The following ERN1 variants were observed in gnomAD, a reference collection of about 807,000 sequenced individuals.
The protein encoded by ERN1 is serine/threonine-protein kinase/endoribonuclease IRE1.
ERN1 carries 39 observed loss-of-function variants against 113.1 expected under a neutral mutation model. The ratio of observed to expected loss-of-function variants is 0.34; its 90% CI spans 0.27 to 0.45. The LOEUF (loss-of-function observed/expected upper bound fraction) is 0.45. ERN1 is among the 20% of genes least tolerant of loss of function. The pLI is 1.00. For missense variants in ERN1, 976 were observed against 1,274.8 expected, an observed-to-expected ratio of 0.77 and a Z score of 3.57; for synonymous variants, 507 against 515.9, an observed-to-expected ratio of 0.98 and a Z score of 0.23.
Position 64,057,841 on chromosome 17 carries a change from C to T in ERN1, c.1359G>A (p.Leu453=), listed in dbSNP as rs1264267089. The T allele has an allele frequency of 6.2e-7, 1 of 1,613,942 alleles. No individual in the cohort carries two copies. Among genetic ancestry groups the T allele is most frequent in the Non-Finnish European group, 8.5e-7 (1 of 1,179,888 alleles). ...DMATIILSTF[L]LIGWVAFIIT... is the part of the protein sequence containing the mutation. ...TGATGAAGGCCACCCAGCCAATCAGCAGGAAGGTGCTCAGGATGATGGTAG... is the reference window on the plus strand; with the variant it reads ...TGATGAAGGCCACCCAGCCAATCAGTAGGAAGGTGCTCAGGATGATGGTAG... Residue 453 remains leucine, a synonymous_variant, in exon 12 of 22, where the codon CTG becomes CTA. Coordinates refer to ENST00000433197, the MANE Select transcript of ERN1 (RefSeq NM_001433.5).
intron 2 of ERN1, 48 bp from the exon 3 acceptor site, chr17:64,080,856 C>T (rs754085627): frequency 2.5e-6 from 4 of 1,585,242 alleles, no homozygotes; most frequent in Non-Finnish European, 3.4e-6. Context: ...CCCAAAATGT[C>T]AAGATTCCCA....
intron 6 of ERN1, among the ~76,000 whole-genome samples, 178 bp downstream of exon 6, chr17:64,071,803 G>A (rs955023820): frequency 2.4e-4 from 37 of 152,110 alleles, no homozygotes; most frequent in Non-Finnish European, 5.9e-5. Flanking sequence ...GGTGCAGTTT[G>A]GACTGTATCC....
intron 10 of ERN1, 95 bp from the exon 11 acceptor site, chr17:64,060,682 G>T: frequency 2.5e-6 from 2 of 810,072 alleles, no homozygotes; most frequent in Non-Finnish European, 4.2e-6. Context: ...CCCACTGAGG[G>T]GTCCACAATG....
chr17:64,106,715 TACACAC>T (rs58544303), intron 1 of ERN1, among the ~76,000 whole-genome samples: 1,326 of 103,410 alleles, frequency 0.013, 18 homozygotes, highest in African/African-American at 0.026. Context: ...CAGGGTTTCT[TACACAC>T]ACACACACAC....
chr17:64,084,351 C>T (rs1194548728), intron 2 of ERN1, among the ~76,000 whole-genome samples: 1 of 152,134 alleles, frequency 6.6e-6, no homozygotes, highest in East Asian at 1.9e-4. Context: ...GTGTCCTGTT[C>T]CCATTCCCTT....
intron 2 of ERN1, among the ~76,000 whole-genome samples, chr17:64,087,108 AG>A (rs1885213492): frequency 6.6e-6 from 1 of 152,180 alleles, no homozygotes; most frequent in South Asian, 2.1e-4. Flanking sequence ...TTCTTCCCCC[AG>A]GAAGCTGGCT....
intron 3 of ERN1, chr17:64,080,527 G>A (rs1200973583): frequency 2.2e-6 from 1 of 455,954 alleles, no homozygotes; most frequent in Non-Finnish European, 4.0e-6. Flanking sequence ...GGAAGTTTAA[G>A]TTCAAAGCTC....
At position 64,078,656 on chromosome 17, in the gene ERN1, G is replaced by A. The variant is rs149348073; in HGVS notation, c.282+1006C>T. On this transcript the variant is annotated intron_variant, in intron 4 of 21. Transcript: ENST00000433197. ...TTATATGTGTTGTAGGGGGGTAGGA[G>A]TCAATACTTTTATTCCTATATGGAT... 4.3e-4 allele frequency among the ~76,000 whole-genome samples: 65 copies of A among 152,254 alleles called. 1 individual carries two copies. The highest frequency in any genetic ancestry group is 1.4e-3 in the African/African-American group (60 of 41,536).
rs570451549 is a variant in ERN1, at chr17:64,102,272, C to G, written c.55-4031G>C. Among the ~76,000 whole-genome samples, 376 of 152,262 alleles carry G rather than the reference C, an allele frequency of 2.5e-3. 2 individuals carry two copies. The highest frequency in any genetic ancestry group is 3.7e-3 in the Admixed American group (56 of 15,292). On this transcript the variant is annotated intron_variant, in intron 1 of 21. Transcript: ENST00000433197. ...TTGCACTCCAGCCTAGGCAACAGAG[C>G]AAGACTCTGTCTCAAAAACAAAAAC...
intron 2 of ERN1, among the ~76,000 whole-genome samples, chr17:64,081,379 A>G (rs1567873494): frequency 6.6e-6 from 1 of 152,206 alleles, no homozygotes; most frequent in Admixed American, 6.5e-5. Context: ...TTTAAAGACA[A>G]TATAAACTAT....
chr17:64,077,703 T>C (rs910354284), intron 4 of ERN1, among the ~76,000 whole-genome samples: 5 of 152,262 alleles, frequency 3.3e-5, no homozygotes, highest in Middle Eastern at 3.4e-3. Context: ...ATGGTGCTGC[T>C]GTACATTTGG....
intron 1 of ERN1, among the ~76,000 whole-genome samples, chr17:64,105,657 G>A (rs1567882439): frequency 6.6e-6 from 1 of 152,038 alleles, no homozygotes; most frequent in East Asian, 1.9e-4. Flanking sequence ...CCCAACTTTA[G>A]TTTTATTTAT....
rs764690523 is a variant in ERN1, at chr17:64,102,575, C to T, written c.55-4334G>A. 3.6e-6 allele frequency: 3 copies of T among 828,780 alleles called. No individual in the cohort carries two copies. The African/African-American group carries it at 5.5e-5, about 15-fold the overall frequency. The allele number at this position is 828,780 out of a possible 1,614,324, so 51.3% of individuals were successfully genotyped here. A position where few individuals can be genotyped will look rare whatever the true frequency, so the allele number is the denominator to read the frequency against. On this transcript the variant is annotated intron_variant, in intron 1 of 21. Transcript: ENST00000433197. ...CCTCTGGCATTTTTAAAAGCATGAACATGCCTGAGTTCAAATGTAGTTGCT... is the reference window on the plus strand; with the variant it reads ...CCTCTGGCATTTTTAAAAGCATGAATATGCCTGAGTTCAAATGTAGTTGCT...
At chr17:64,081,263 A>G (rs196954) in intron 2 of ERN1, among the ~76,000 whole-genome samples, 95,014 of 152,070 alleles carry the variant, frequency 0.62, 32,151 homozygotes, top group South Asian at 0.77. Context: ...TTTAAGAACT[A>G]ACTTTGATTG....
At chr17:64,074,964 A>G (rs1051031222) in intron 5 of ERN1, 5 of 547,818 alleles carry the variant, frequency 9.1e-6, no homozygotes, top group Non-Finnish European at 1.3e-5. Context: ...TAAATGAGTA[A>G]CCATATTAAT....
chr17:64,074,398 C>T (rs543793857), intron 5 of ERN1, among the ~76,000 whole-genome samples: 6 of 152,200 alleles, frequency 3.9e-5, no homozygotes, highest in East Asian at 1.9e-4. Context: ...AAATCTGTGC[C>T]GATCGTTTCC....
intron 1 of ERN1, among the ~76,000 whole-genome samples, chr17:64,105,668 T>G (rs184459392): frequency 1.8e-4 from 27 of 152,276 alleles, no homozygotes; most frequent in Admixed American, 7.9e-4. Context: ...TTTTATTTAT[T>G]TAAGGTTAAG....
Position 64,054,620 on chromosome 17 carries a change from C to G in ERN1, c.1763+118G>C. ...GTGCAAGCTCCCTGGAGGCCGGACT[C>G]CATGCGTCTAGGTCACTGCTTTGAC... On this transcript the variant is annotated intron_variant, in intron 14 of 21. Transcript: ENST00000433197. The surrounding 1 kb of genome is among the most constrained non-coding windows in gnomAD (Gnocchi z 4.9). 2.0e-6 allele frequency: 2 copies of G among 991,296 alleles called. No individual in the cohort carries two copies. The highest frequency in any genetic ancestry group is 3.0e-6 in the Non-Finnish European group (2 of 672,354). The allele number at this position is 991,296 out of a possible 1,614,324, so 61.4% of individuals were successfully genotyped here. A position where few individuals can be genotyped will look rare whatever the true frequency, so the allele number is the denominator to read the frequency against.
At chr17:64,087,105 C>T (rs1269183405) in intron 2 of ERN1, among the ~76,000 whole-genome samples, 2 of 152,112 alleles carry the variant, frequency 1.3e-5, no homozygotes, top group Non-Finnish European at 2.9e-5. Flanking sequence ...AGGTTCTTCC[C>T]CCAGGAAGCT....
Sources: allele counts gnomAD v4.1 joint callset (sites outside exome capture counted in the v4.1 genomes callset), GRCh38; gene constraint gnomAD v4.1.1; non-coding constraint Gnocchi (gnomAD v3.1); transcripts MANE v1.5; gene names NCBI Gene and HGNC (gene_info 2026-07-23, HGNC 2026-07-21).